The following PLS1 variants were observed in gnomAD, a reference collection of about 807,000 sequenced individuals.
PLS1 encodes the protein plastin 1.
A neutral mutation model predicts 73.7 loss-of-function variants in PLS1; 32 were observed. The observed-to-expected ratio is 0.43, with a 90% CI of 0.33 to 0.58. PLS1 has a LOEUF of 0.58. PLS1 is among the 20% of genes least tolerant of loss of function. The probability of loss-of-function intolerance (pLI) is 0.04; values close to 1 mark genes in which losing one functional copy is unlikely to be tolerated. For missense variants in PLS1, 633 were observed against 740.5 expected (o/e 0.85, Z 1.68); for synonymous variants, 217 against 261.3 (o/e 0.83, Z 1.63).
At chr3:142,598,486 G>A (rs1025208215) in intron 1 of PLS1, among the ~76,000 whole-genome samples, 1 of 152,122 alleles carries the variant, frequency 6.6e-6, no homozygotes, top group Admixed American at 6.5e-5. Context: ...ATTAGTTAGG[G>A]GGATTACAGG....
At chr3:142,673,989 C>T (rs2037666408) in intron 4 of PLS1, 1 of 152,172 alleles carries the variant, frequency 6.6e-6, no homozygotes, top group East Asian at 1.9e-4. Context: ...GTTCCTATAC[C>T]TGAAACATCC....
chr3:142,633,664 CAAACA>C (rs976519654), intron 1 of PLS1, among the ~76,000 whole-genome samples: 1 of 139,306 alleles, frequency 7.2e-6, no homozygotes, highest in Non-Finnish European at 1.6e-5. Flanking sequence ...CTCAAACAAA[CAAACA>C]AAACAAAACA....
rs139510696 is a variant in PLS1, at chr3:142,668,872, G to A, written c.71-518G>A. ...CTACCTCGGCCTCCCAAAGTGCTGG[G>A]ATTATAAGTGTGAGCCACTGCGCCT... On this transcript the variant is annotated intron_variant, in intron 2 of 15. Coordinates refer to ENST00000457734, the MANE Select transcript of PLS1 (RefSeq NM_001145319.2). Among the ~76,000 whole-genome samples, 132 of 152,168 alleles carry A rather than the reference G, an allele frequency of 8.7e-4. 2 individuals are homozygous for A. The East Asian group carries it at 0.022, about 26-fold the overall frequency.
intron 1 of PLS1, among the ~76,000 whole-genome samples, chr3:142,612,127 C>T (rs1002087554): frequency 3.9e-5 from 6 of 152,162 alleles, no homozygotes; most frequent in Admixed American, 3.3e-4. Context: ...TCCTAAGAAA[C>T]AAGTACATCA....
chr3:142,628,349 A>G (rs2036476793), intron 1 of PLS1, among the ~76,000 whole-genome samples: 2 of 28,398 alleles, frequency 7.0e-5, no homozygotes, highest in South Asian at 1.2e-3. Context: ...GTGCGCGCAC[A>G]TGTGCATGCA....
chr3:142,662,959 C>T (rs1331518519), intron 1 of PLS1, among the ~76,000 whole-genome samples: 1 of 152,162 alleles, frequency 6.6e-6, no homozygotes, highest in Non-Finnish European at 1.5e-5. Context: ...TCTGTAATCC[C>T]AGCACGTTGG....
At chr3:142,680,874 G>A (rs139199004) in intron 6 of PLS1, among the ~76,000 whole-genome samples, 3 of 152,288 alleles carry the variant, frequency 2.0e-5, no homozygotes, top group African/African-American at 4.8e-5. Context: ...GTCGTCTAGC[G>A]CCAGAGCTCA....
rs1324474930 is a variant in PLS1, at chr3:142,678,882, C to T, written c.579+769C>T. Among the ~76,000 whole-genome samples, 21 of 152,028 alleles carry T rather than the reference C, an allele frequency of 1.4e-4. No homozygotes were observed. In the East Asian group the frequency reaches 3.5e-3, roughly 25 times the overall value. On this transcript the variant is annotated intron_variant, in intron 6 of 15. Coordinates refer to ENST00000457734, the MANE Select transcript of PLS1 (RefSeq NM_001145319.2). The stretch of plus-strand genomic sequence containing the variant: ...CACAATGGTTGAACTAGTTTACAGT[C>T]CCACCAACAGTGTAAAAGTGTTCCT...
At chr3:142,685,069 G>A (rs1185298888) in intron 8 of PLS1, among the ~76,000 whole-genome samples, 2 of 150,226 alleles carry the variant, frequency 1.3e-5, no homozygotes, top group South Asian at 2.1e-4. Context: ...TTCATGTTCC[G>A]TCTTTAGCTA....
chr3:142,684,459 G>T, intron 8 of PLS1, 64 bp downstream of exon 8: 1 of 1,304,650 alleles, frequency 7.7e-7, no homozygotes, highest in Non-Finnish European at 1.1e-6. Flanking sequence ...AAATAAAAGG[G>T]GTTCAGACTT....
chr3:142,669,575 G>C, intron 3 of PLS1, 22 bp downstream of exon 3: 2 of 1,582,582 alleles, frequency 1.3e-6, no homozygotes, highest in Non-Finnish European at 1.7e-6. Context: ...AATCCTTTCG[G>C]GCTACTGATA....
At chr3:142,611,172 G>T (rs779941757) in intron 1 of PLS1, among the ~76,000 whole-genome samples, 9 of 152,056 alleles carry the variant, frequency 5.9e-5, no homozygotes, top group Non-Finnish European at 1.3e-4. Context: ...TTTTCTCTTA[G>T]CTGTTTAAGA....
chr3:142,620,040 A>G (rs939212439), intron 1 of PLS1, among the ~76,000 whole-genome samples: 4 of 152,186 alleles, frequency 2.6e-5, no homozygotes, highest in Non-Finnish European at 5.9e-5. Context: ...CTGGCTGCCC[A>G]GAAACTCTCT....
intron 1 of PLS1, among the ~76,000 whole-genome samples, chr3:142,612,624 C>T (rs945094153): frequency 6.6e-6 from 1 of 152,050 alleles, no homozygotes; most frequent in Non-Finnish European, 1.5e-5. Context: ...TGGTGTTGTG[C>T]ACCTATACTC....
intron 1 of PLS1, among the ~76,000 whole-genome samples, chr3:142,618,341 A>C (rs1323747708): frequency 6.6e-6 from 1 of 152,188 alleles, no homozygotes; most frequent in African/African-American, 2.4e-5. Flanking sequence ...AGAACATCCC[A>C]TTCTGAATAA....
chr3:142,681,616 G>A (rs2037859020), intron 6 of PLS1, among the ~76,000 whole-genome samples: 1 of 152,192 alleles, frequency 6.6e-6, no homozygotes, highest in South Asian at 2.1e-4. Flanking sequence ...GTTGCCACCA[G>A]TTGTTTGTGG....
At chr3:142,622,527 T>C (rs140269647) in intron 1 of PLS1, among the ~76,000 whole-genome samples, 19 of 152,184 alleles carry the variant, frequency 1.2e-4, no homozygotes, top group Non-Finnish European at 1.0e-4. Context: ...AAAAAAAAAC[T>C]GGCTTATAAA....
chr3:142,636,103 G>A (rs1259388600), intron 1 of PLS1, among the ~76,000 whole-genome samples: 3 of 151,540 alleles, frequency 2.0e-5, no homozygotes, highest in African/African-American at 7.3e-5. Context: ...TGTTGCCCAA[G>A]TTGGTCCCAA....
Position 142,711,933 on chromosome 3 carries a change from G to A in PLS1, c.1816G>A (p.Val606Ile), listed in dbSNP as rs1933149645. The part of the protein sequence containing the change: ...ARIYALPDDL[V>I]EVKPKMVMTV... ...GATATATGCATTACCTGATGACCTC[G>A]TAGAAGTGAAACCAAAGATGGTTAT... Residue 606 changes from valine (V) to isoleucine (I), a missense_variant, in exon 16 of 16, where the codon GTA (valine) becomes ATA (isoleucine). Val to Ile is a conservative substitution (Grantham distance 29, BLOSUM62 3). Coordinates refer to ENST00000457734, the MANE Select transcript of PLS1 (RefSeq NM_001145319.2). 13 of 1,613,302 alleles carry A rather than the reference G, an allele frequency of 8.1e-6. No individual in the cohort carries two copies. Among genetic ancestry groups the A allele is most frequent in the South Asian group, 1.1e-5 (1 of 91,058 alleles).
Sources: gnomAD v4.1 joint callset for allele counts (sites outside exome capture counted in the v4.1 genomes callset) on GRCh38, gnomAD v4.1.1 for gene constraint, MANE v1.5 for transcripts, NCBI Gene and HGNC (gene_info 2026-07-23, HGNC 2026-07-21) for gene names.